Variants in PCDHA4 observed in about 807,000 individuals in gnomAD.
The protein encoded by PCDHA4 is protocadherin alpha 4.
A neutral mutation model predicts 61.4 loss-of-function variants in PCDHA4; 49 were observed. That is an observed-to-expected ratio of 0.80 (90% CI 0.63 to 1.01). The LOEUF (loss-of-function observed/expected upper bound fraction) is 1.01. Ranked by LOEUF, PCDHA4 falls within the 50% of genes least tolerant of loss-of-function variation. The pLI, the probability that PCDHA4 is intolerant of heterozygous loss-of-function variation, is 0.00. For missense variants in PCDHA4, 1,254 were observed against 1,235.8 expected (o/e 1.01, Z -0.22); for synonymous variants, 590 against 550.3 (o/e 1.07, Z -1.01).
Position 140,841,359 on chromosome 5 carries a change from G to T in PCDHA4, c.2385+31787G>T, listed in dbSNP as rs2150314214. 1.2e-5 allele frequency: 20 copies of T among 1,613,174 alleles called. No homozygotes were observed. Among genetic ancestry groups the T allele is most frequent in the Non-Finnish European group, 1.6e-5 (19 of 1,179,474 alleles). On this transcript the variant is annotated intron_variant, in intron 1 of 3. Transcript: ENST00000530339. Reference sequence around the variant, plus strand: ...TGGCGAGGAGAGCTGGGATCCTGGCGACTACTACTCTTGCTTCTGCTCCTC... The same window carrying T: ...TGGCGAGGAGAGCTGGGATCCTGGCTACTACTACTCTTGCTTCTGCTCCTC...
chr5:140,843,822 A>T, intron 1 of PCDHA4: 1 of 1,214,324 alleles, frequency 8.2e-7, no homozygotes, highest in Non-Finnish European at 1.2e-6. Context: ...GTGAAAATTT[A>T]AACATTGTTT....
At chr5:140,980,716 G>T (rs1246125435) in intron 2 of PCDHA4, among the ~76,000 whole-genome samples, 1 of 151,830 alleles carries the variant, frequency 6.6e-6, no homozygotes, top group Non-Finnish European at 1.5e-5. Context: ...TCCTATTCGG[G>T]TTTCAATTAA....
chr5:140,982,420 G>A, intron 2 of PCDHA4, 55 bp from the exon 3 acceptor site: 1 of 1,611,062 alleles, frequency 6.2e-7, no homozygotes, highest in Non-Finnish European at 8.5e-7. Context: ...GGTGGAAGAA[G>A]AGATGGGAAA....
At chr5:140,957,725 A>T (rs1385506394) in intron 1 of PCDHA4, among the ~76,000 whole-genome samples, 1 of 152,156 alleles carries the variant, frequency 6.6e-6, no homozygotes, top group Non-Finnish European at 1.5e-5. Context: ...AAAGAAGCAG[A>T]ATTATATATA....
chr5:140,882,052 C>A (rs2058925535), intron 1 of PCDHA4: 5 of 766,334 alleles, frequency 6.5e-6, no homozygotes, highest in Admixed American at 3.1e-5. Context: ...GTCATACTTA[C>A]ACTTACACGT....
At chr5:140,846,790 C>T (rs1780677178) in intron 1 of PCDHA4, among the ~76,000 whole-genome samples, 1 of 149,194 alleles carries the variant, frequency 6.7e-6, no homozygotes, top group Non-Finnish European at 1.5e-5. Context: ...ATTACTGAGC[C>T]CCAGCCCCTG....
chr5:140,968,951 A>G, intron 1 of PCDHA4: 4 of 1,614,228 alleles, frequency 2.5e-6, no homozygotes, highest in Non-Finnish European at 3.4e-6. Context: ...TTTGAGCATC[A>G]TCAAGTGCTA....
intron 1 of PCDHA4, chr5:140,836,425 G>A (rs2150260582): frequency 1.2e-6 from 2 of 1,613,790 alleles, no homozygotes; most frequent in Admixed American, 1.7e-5. Flanking sequence ...GCGTCGTCGC[G>A]GGCATCGTTG....
At position 140,822,311 on chromosome 5, in the gene PCDHA4, T is replaced by C. The variant is rs2150115433; in HGVS notation, c.2385+12739T>C. The stretch of plus-strand genomic sequence containing the variant: ...TTAAATCCAAACGAATATTTTGACT[T>C]AGATGTTAAAACAAATGAAGAAGAA... On this transcript the variant is annotated intron_variant, in intron 1 of 3. Transcript: ENST00000530339. The C allele has an allele frequency of 1.5e-5, 24 of 1,614,190 alleles. 1 individual carries two copies. The South Asian group carries it at 2.6e-4, about 18-fold the overall frequency.
At chr5:140,831,854 T>C (rs1358095738) in intron 1 of PCDHA4, among the ~76,000 whole-genome samples, 1 of 152,174 alleles carries the variant, frequency 6.6e-6, no homozygotes, top group Non-Finnish European at 1.5e-5. Context: ...GTCATAAAGC[T>C]TTAGTAAGTT....
intron 1 of PCDHA4, among the ~76,000 whole-genome samples, chr5:140,924,936 TAAAAA>T (rs2082205335): frequency 8.1e-6 from 1 of 123,442 alleles, no homozygotes; most frequent in East Asian, 2.8e-4. Context: ...TAAAATAAAA[TAAAAA>T]GTTAAAAAAA....
chr5:140,918,403 C>G (rs192008600), intron 1 of PCDHA4, among the ~76,000 whole-genome samples: 1 of 152,278 alleles, frequency 6.6e-6, no homozygotes, highest in African/African-American at 2.4e-5. Flanking sequence ...CCTGATTTCT[C>G]TGGCCAGGAC....
At chr5:140,882,072 T>G in intron 1 of PCDHA4, 4 of 861,576 alleles carry the variant, frequency 4.6e-6, no homozygotes, top group Non-Finnish European at 7.0e-6. Flanking sequence ...TTCATGCGCA[T>G]GGTGTCGCTC....
chr5:140,998,275 A>G (rs1554256218), intron 3 of PCDHA4, among the ~76,000 whole-genome samples: 1 of 152,198 alleles, frequency 6.6e-6, no homozygotes, highest in African/African-American at 2.4e-5. Context: ...TGACACCCAT[A>G]GGATTAAATC....
intron 3 of PCDHA4, among the ~76,000 whole-genome samples, chr5:141,008,708 T>G (rs1197464501): frequency 1.3e-5 from 2 of 152,210 alleles, no homozygotes; most frequent in African/African-American, 4.8e-5. Flanking sequence ...GGTTTCTAGT[T>G]GCTTGAGTGT....
intron 1 of PCDHA4, chr5:140,849,218 G>A (rs2150433092): frequency 1.9e-6 from 2 of 1,040,734 alleles, no homozygotes; most frequent in South Asian, 3.2e-5. Context: ...ATGCCCCAGT[G>A]TTCGACAGAA....
intron 1 of PCDHA4, chr5:140,870,955 C>A (rs782342308): frequency 1.9e-6 from 3 of 1,613,632 alleles, no homozygotes; most frequent in Non-Finnish European, 2.5e-6. Flanking sequence ...GGGCGGCTCG[C>A]GCATCCCGTT....
chr5:141,010,255 C>T lies in PCDHA4; in HGVS notation c.*318C>T. The T allele has an allele frequency of 6.4e-7, 1 of 1,551,816 alleles. No homozygotes were observed. Among genetic ancestry groups the T allele is most frequent in the Non-Finnish European group, 8.7e-7 (1 of 1,147,020 alleles). ...CCAGTGAGAGGTTGGACTCTCTGCC[C>T]TGTGCTCCGGGGATCCTGTCTTGAT... is the stretch of plus-strand genomic sequence containing the variant. On this transcript the variant is annotated 3_prime_UTR_variant, in exon 4 of 4. Coordinates refer to ENST00000530339, the MANE Select transcript of PCDHA4 (RefSeq NM_018907.4).
chr5:140,964,847 C>T (rs2095858231), intron 1 of PCDHA4, among the ~76,000 whole-genome samples: 1 of 152,124 alleles, frequency 6.6e-6, no homozygotes, highest in African/African-American at 2.4e-5. Flanking sequence ...ACTCTGTACC[C>T]TTGAGGAAAC....
Sources: gnomAD v4.1 joint callset for allele counts (sites outside exome capture counted in the v4.1 genomes callset) on GRCh38, gnomAD v4.1.1 for gene constraint, MANE v1.5 for transcripts, NCBI Gene and HGNC (gene_info 2026-07-23, HGNC 2026-07-21) for gene names.